Variants in TTN observed in about 807,000 individuals in gnomAD.
TTN encodes the protein titin, also known as connectin.
Under a neutral mutation model 3,223.0 loss-of-function variants are expected in TTN, and 1,525 were observed. The observed-to-expected ratio is 0.47, with a 90% confidence interval of 0.45 to 0.49. The LOEUF (loss-of-function observed/expected upper bound fraction) is 0.49, where lower values mean the gene tolerates loss of function less well. Ranked by LOEUF, TTN falls within the 20% of genes least tolerant of loss-of-function variation. TTN has a pLI of 0.00. For synonymous variants in TTN, 14,094 were observed against 15,161.0 expected, an observed-to-expected ratio of 0.93 and a Z score of 5.17; for missense variants, 40,786 against 43,424.0, an observed-to-expected ratio of 0.94 and a Z score of 5.40.
Position 178,570,956 on chromosome 2 carries a change from G to A in TTN, c.75176C>T (p.Thr25059Ile). The A allele has an allele frequency of 2.5e-6, 4 of 1,613,502 alleles. No individual in the cohort carries two copies. The highest frequency in any genetic ancestry group is 2.7e-5 in the African/African-American group (2 of 74,970). The change falls in exon 326 of 363, where the codon ACA (threonine) becomes ATA (isoleucine). Residue 25059 changes from threonine (T) to isoleucine (I), a missense_variant. Physicochemically the swap from Thr to Ile is moderately conservative, Grantham distance 89. Transcript: ENST00000589042. The stretch of plus-strand genomic sequence containing the variant: ...TTCAAAATGAGTGTCAATAATATTT[G>A]TAAAACTGGCTTTCATCCAACGGCC... ...PEGRWMKASF[T>I]NIIDTHFEVT...
Position 178,527,190 on chromosome 2 carries a change from C to T in TTN, c.107798G>A (p.Gly35933Asp), listed in dbSNP as rs1686762598. 2.5e-6 allele frequency: 4 copies of T among 1,613,844 alleles called. No individual in the cohort carries two copies. Among genetic ancestry groups the T allele is most frequent in the African/African-American group, 2.7e-5 (2 of 74,916 alleles). Residue 35933 changes from glycine to aspartate, a missense_variant, in exon 363 of 363, where the codon GGT becomes GAT. Gly to Asp is a moderately conservative substitution (Grantham distance 94, BLOSUM62 -1). Coordinates refer to ENST00000589042, the MANE Select transcript of TTN (RefSeq NM_001267550.2). ...TTCTTGACTGTGGATTTTTCTTCCA[C>T]CACAGGACCATGTTACTTCTGGGGT... Reference protein sequence around the residue: ...EPTPEVTWSCGGRKIHSQEQG... With the variant: ...EPTPEVTWSCDGRKIHSQEQG...
intron 220 of TTN, among the ~76,000 whole-genome samples, 151 bp from the exon 221 acceptor site, chr2:178,640,781 T>C (rs1310679883): frequency 1.3e-5 from 2 of 151,964 alleles, no homozygotes; most frequent in Non-Finnish European, 2.9e-5. Context: ...TTTTCTTGAC[T>C]CTGCTTCCAT....
rs1231039642 is a variant in TTN, at chr2:178,723,953, C to T, written c.21306G>A (p.Gln7102=). ...TTFSDNVCTL[Q]LNSLDSSDMG... ...TATCTGAGGAATCCAGAGAATTCAA[C>T]TGCAATGTGCAGACATTATCTGAAA... is the stretch of plus-strand genomic sequence containing the variant. Residue 7102 remains glutamine (Q), a synonymous_variant, in exon 73 of 363, where the codon CAG becomes CAA. Coordinates refer to ENST00000589042, the MANE Select transcript of TTN (RefSeq NM_001267550.2). 1 of 1,613,490 alleles carries T rather than the reference C, an allele frequency of 6.2e-7. No homozygotes were observed. The highest frequency in any genetic ancestry group is 2.2e-5 in the East Asian group (1 of 44,868).
Position 178,532,874 on chromosome 2 carries a change from G to A in TTN, c.103741C>T (p.Pro34581Ser). ...YKKIRDQYEM[P>S]GKLDRVVQKR... Reference sequence around the variant, plus strand: ...TGTACAACTCTGTCAAGTTTCCCAGGCATTTCATACTGATCACGTATCTTT... The same window carrying A: ...TGTACAACTCTGTCAAGTTTCCCAGACATTTCATACTGATCACGTATCTTT... The change falls in exon 358 of 363, where the codon CCT becomes TCT. Residue 34581 changes from proline (P) to serine (S), a missense_variant. Transcript: ENST00000589042. 6.2e-7 allele frequency: 1 copy of A among 1,613,960 alleles called. No homozygotes were observed. Among genetic ancestry groups the A allele is most frequent in the Non-Finnish European group, 8.5e-7 (1 of 1,179,874 alleles).
At position 178,793,571 on chromosome 2, in the gene TTN, C is replaced by T. The variant is rs754619450; in HGVS notation, c.1399-30G>A. On this transcript the variant is annotated intron_variant, in intron 8 of 362. Transcript: ENST00000589042. ...TTTTCATAGAGAAAGGAAGAAAACA[C>T]CTTAATGCATCTTACATAAAAATTA... 9.3e-6 allele frequency: 15 copies of T among 1,611,672 alleles called. No homozygotes were observed. The African/African-American group carries it at 1.9e-4, about 20-fold the overall frequency.
chr2:178,633,851 C>T lies in TTN; in HGVS notation c.42648G>A (p.Lys14216=). Residue 14216 remains lysine (K), a synonymous_variant, in exon 231 of 363, where the codon AAG becomes AAA. Coordinates refer to ENST00000589042, the MANE Select transcript of TTN (RefSeq NM_001267550.2). Reference sequence around the variant, plus strand: ...TCAGCTGTGCTGTGGAGCTCAGCTCCTTGACTTGAGCTTTTATCTGAGATA... The same window carrying T: ...TCAGCTGTGCTGTGGAGCTCAGCTCTTTGACTTGAGCTTTTATCTGAGATA... ...DDISQIKAQV[K]ELSSTAQLKV... is the part of the protein sequence containing the mutation. 2 of 1,613,334 alleles carry T rather than the reference C, an allele frequency of 1.2e-6. No individual in the cohort carries two copies. Among genetic ancestry groups the T allele is most frequent in the Non-Finnish European group, 1.7e-6 (2 of 1,179,572 alleles).
intron 41 of TTN, 95 bp from the exon 42 acceptor site, chr2:178,764,906 C>T: frequency 2.8e-6 from 4 of 1,423,778 alleles, no homozygotes; most frequent in Non-Finnish European, 2.9e-6. Flanking sequence ...GCTAGTTATA[C>T]ATCCAGAGAC....
chr2:178,720,024 T>C lies in TTN; in HGVS notation c.23618A>G (p.Asp7873Gly). Reference protein sequence around the residue: ...SGKYICQIKNDAGMRECSAVL... With the variant: ...SGKYICQIKNGAGMRECSAVL... ...TGCAGAGCATTCTCTCATTCCAGCA[T>C]CGTTTTTGATTTGGCATATATATTT... Residue 7873 changes from aspartate to glycine, a missense_variant, in exon 81 of 363, where the codon GAT (aspartate) becomes GGT (glycine). Asp to Gly is a moderately conservative substitution (Grantham distance 94). Transcript: ENST00000589042. The C allele has an allele frequency of 6.2e-7, 1 of 1,613,046 alleles. No homozygotes were observed. The highest frequency in any genetic ancestry group is 1.1e-5 in the South Asian group (1 of 91,032).
Position 178,725,657 on chromosome 2 carries a change from G to C in TTN, c.20555-8C>G. 6.4e-7 allele frequency: 1 copy of C among 1,560,688 alleles called. No individual in the cohort carries two copies. The highest frequency in any genetic ancestry group is 8.7e-7 in the Non-Finnish European group (1 of 1,153,080). Reference sequence around the variant, plus strand: ...AGACAAATCTTGGTGGTTCTGAACAGGAAAAGATGGATGGAAATTGTTGAA... The same window carrying C: ...AGACAAATCTTGGTGGTTCTGAACACGAAAAGATGGATGGAAATTGTTGAA... On this transcript the variant is annotated splice_polypyrimidine_tract_variant and splice_region_variant and intron_variant, in intron 70 of 362. Coordinates refer to ENST00000589042, the MANE Select transcript of TTN (RefSeq NM_001267550.2).
intron 6 of TTN, among the ~76,000 whole-genome samples, chr2:178,796,883 A>G (rs1359288594): frequency 6.6e-6 from 1 of 152,196 alleles, no homozygotes; most frequent in African/African-American, 2.4e-5. Flanking sequence ...AGCGAGATAC[A>G]ATGCACCTTA....
At chr2:178,652,072 T>G in intron 204 of TTN, 24 bp downstream of exon 204, 1 of 1,612,832 alleles carries the variant, frequency 6.2e-7, no homozygotes, top group Non-Finnish European at 8.5e-7. Flanking sequence ...TAAAAAACAC[T>G]AATTTGAATA....
At chr2:178,746,142 T>C (rs1398833015) in intron 47 of TTN, 1 of 1,613,444 alleles carries the variant, frequency 6.2e-7, no homozygotes, top group Non-Finnish European at 8.5e-7. Context: ...TCTGGCTCAA[T>C]ACACATATAT....
At chr2:178,749,639 CTA>C in intron 47 of TTN, 4 of 1,612,584 alleles carry the variant, frequency 2.5e-6, no homozygotes, top group Non-Finnish European at 3.4e-6. Flanking sequence ...ACTATTTTCT[CTA>C]TAAGTGACAG....
At position 178,592,002 on chromosome 2, in the gene TTN, G is replaced by T. The variant is rs758407490; in HGVS notation, c.59902C>A (p.Pro19968Thr). The change falls in exon 302 of 363, where the codon CCA becomes ACA. Residue 19968 changes from proline (P) to threonine (T), a missense_variant. Coordinates refer to ENST00000589042, the MANE Select transcript of TTN (RefSeq NM_001267550.2). The part of the protein sequence containing the change: ...GRGPFVETPK[P>T]IKALDPLHPP... ...CGGAGAGGATCCAAAGCCTTGATTG[G>T]TTTTGGTGTTTCAACAAAAGGACCA... is the stretch of plus-strand genomic sequence containing the variant. 5 of 1,612,988 alleles carry T rather than the reference G, an allele frequency of 3.1e-6. No individual in the cohort carries two copies. The highest frequency in any genetic ancestry group is 3.4e-6 in the Non-Finnish European group (4 of 1,179,468).
In TTN at chr2:178,563,764, C is replaced by A. The variant is rs1233877374; in HGVS notation, c.82368G>T (p.Leu27456Phe). The A allele has an allele frequency of 1.2e-6, 2 of 1,613,662 alleles. No individual in the cohort carries two copies. Among genetic ancestry groups the A allele is most frequent in the Non-Finnish European group, 1.7e-6 (2 of 1,179,738 alleles). The change falls in exon 326 of 363, where the codon TTG becomes TTT. Residue 27456 changes from leucine to phenylalanine, a missense_variant. Coordinates refer to ENST00000589042, the MANE Select transcript of TTN (RefSeq NM_001267550.2). This position sits in a 1 kb window ranked among gnomAD's most constrained non-coding sequence, Gnocchi z 4.5. ...TACAGGCCGTAACAGGCCCAGATTC[C>A]AAGGGCTCTCCAATTCCATATTTAT... ...AVNKYGIGEPLESGPVTACNP... is the reference protein window; with the variant it reads ...AVNKYGIGEPFESGPVTACNP...
intron 137 of TTN, 38 bp downstream of exon 137, chr2:178,681,338 A>G (rs374179079): frequency 1.5e-5 from 23 of 1,572,032 alleles, no homozygotes; most frequent in Non-Finnish European, 1.7e-5. Flanking sequence ...AACATACATA[A>G]CAAAGTTGTT....
intron 333 of TTN, 48 bp from the exon 334 acceptor site, chr2:178,553,855 T>G (rs1254961804): frequency 6.4e-7 from 1 of 1,561,346 alleles, no homozygotes; most frequent in Non-Finnish European, 8.7e-7. Context: ...ATGTACAATT[T>G]AGTCACACAG....
Position 178,589,685 on chromosome 2 carries a change from T to C in TTN, c.62040A>G (p.Lys20680=). Residue 20680 remains lysine, a synonymous_variant, in exon 304 of 363, where the codon AAA becomes AAG. Coordinates refer to ENST00000589042, the MANE Select transcript of TTN (RefSeq NM_001267550.2). Reference sequence around the variant, plus strand: ...ACTTTAGATAGACAAATGTCTTTCCTTTATCTGCAATGTGAAGGTTTTCAG... The same window carrying C: ...ACTTTAGATAGACAAATGTCTTTCCCTTATCTGCAATGTGAAGGTTTTCAG... ...GEPENLHIAD[K]GKTFVYLKWR... is the part of the protein sequence containing the mutation. 1.9e-6 allele frequency: 3 copies of C among 1,613,554 alleles called. No individual in the cohort carries two copies. Among genetic ancestry groups the C allele is most frequent in the Non-Finnish European group, 1.7e-6 (2 of 1,179,610 alleles).
At chr2:178,730,021 T>TCGGC in intron 62 of TTN, 72 bp downstream of exon 62, 1 of 1,558,144 alleles carries the variant, frequency 6.4e-7, no homozygotes, top group Non-Finnish European at 8.8e-7. Flanking sequence ...GTCTTAAGCG[T>TCGGC]CCCCCGCCCC....
Sources: allele counts gnomAD v4.1 joint callset (sites outside exome capture counted in the v4.1 genomes callset), GRCh38; gene constraint gnomAD v4.1.1; non-coding constraint Gnocchi (gnomAD v3.1); transcripts MANE v1.5; gene names NCBI Gene and HGNC (gene_info 2026-07-23, HGNC 2026-07-21).